Variants in PXYLP1 observed in about 807,000 individuals in gnomAD.
PXYLP1 encodes the protein 2-phosphoxylose phosphatase 1.
A neutral mutation model predicts 37.9 loss-of-function variants in PXYLP1; 17 were observed. The observed-to-expected ratio is 0.45, with a 90% CI of 0.31 to 0.67. The LOEUF (loss-of-function observed/expected upper bound fraction) is 0.67. Ranked by LOEUF, PXYLP1 falls within the 30% of genes least tolerant of loss-of-function variation. The probability of loss-of-function intolerance (pLI) is 0.07; values close to 1 mark genes in which losing one functional copy is unlikely to be tolerated. For synonymous variants in PXYLP1, 221 were observed against 232.2 expected (o/e 0.95, Z 0.44); for missense variants, 511 against 612.0 (o/e 0.84, Z 1.74).
intron 2 of PXYLP1, chr3:141,272,942 C>T (rs906954418): frequency 1.0e-6 from 1 of 966,310 alleles, no homozygotes; most frequent in Non-Finnish European, 1.2e-6. Context: ...TTGTGTTCTT[C>T]AACCCAATCA....
chr3:141,240,746 C>A (rs1474312781), intron 1 of PXYLP1, among the ~76,000 whole-genome samples: 1 of 152,138 alleles, frequency 6.6e-6, no homozygotes. Flanking sequence ...GAAGGAAATG[C>A]TGTGCTAAGA....
At chr3:141,265,938 G>C (rs1246002131) in intron 2 of PXYLP1, among the ~76,000 whole-genome samples, 1 of 152,204 alleles carries the variant, frequency 6.6e-6, no homozygotes, top group African/African-American at 2.4e-5. Context: ...GAGCAGGAAG[G>C]AGACCAGGCT....
rs573500088 is a variant in PXYLP1 at position 141,244,715 on chromosome 3, T to G, written c.-54+12804T>G. Among the ~76,000 whole-genome samples, 6 of 151,732 alleles carry G rather than the reference T, an allele frequency of 4.0e-5. No homozygotes were observed. In the South Asian group the frequency reaches 1.3e-3, roughly 32 times the overall value. On this transcript the variant is annotated intron_variant, in intron 1 of 5. Transcript: ENST00000286353. The stretch of plus-strand genomic sequence containing the variant: ...TAAGGCTGAATCGTGTTCCATTGTT[T>G]GGACAAACTGTGATTTTCCAACTGT...
chr3:141,292,309 A>G lies in PXYLP1; in HGVS notation c.547A>G (p.Ile183Val), dbSNP rs1190020883. The G allele has an allele frequency of 1.9e-6, 3 of 1,610,814 alleles. No homozygotes were observed. In the Admixed American group the frequency reaches 5.0e-5, roughly 27 times the overall value. Residue 183 changes from isoleucine to valine, a missense_variant, in exon 6 of 6, where the codon ATC becomes GTC. Transcript: ENST00000286353. This position sits in a 1 kb window ranked among gnomAD's most constrained non-coding sequence, Gnocchi z 4.3. ...HLQNGQLLRD[I>V]YLKKHKLLPN... ...GCAGAACGGTCAGCTGCTGAGGGAT[A>G]TCTATCTAAAGAAACACAAACTCCT...
At chr3:141,249,859 G>T (rs113757795) in intron 1 of PXYLP1, among the ~76,000 whole-genome samples, 1 of 151,930 alleles carries the variant, frequency 6.6e-6, no homozygotes, top group Non-Finnish European at 1.5e-5. Flanking sequence ...TAACTGAAGC[G>T]TACATAAAAG....
At chr3:141,291,730 C>G (rs1942214089) in intron 5 of PXYLP1, 1 of 157,148 alleles carries the variant, frequency 6.4e-6, no homozygotes, top group South Asian at 1.9e-4. Context: ...ACGTACCCAG[C>G]AGGTTATCAG....
rs541735940 is a variant in PXYLP1, at chr3:141,247,665, C to A, written c.-53-12458C>A. Among the ~76,000 whole-genome samples the A allele has an allele frequency of 2.2e-4, 34 of 152,294 alleles. No individual in the cohort carries two copies. In the South Asian group the frequency reaches 7.0e-3, roughly 32 times the overall value. ...CAATTTCCTATAACACACAACAGTA[C>A]CCAAGCAGTAACTCCATGCGCCTTG... On this transcript the variant is annotated intron_variant, in intron 1 of 5. Coordinates refer to ENST00000286353, the MANE Select transcript of PXYLP1 (RefSeq NM_001037172.3).
chr3:141,271,187 A>C (rs1297195519), intron 2 of PXYLP1, among the ~76,000 whole-genome samples: 1 of 152,226 alleles, frequency 6.6e-6, no homozygotes, highest in Non-Finnish European at 1.5e-5. Context: ...GAAGGAAATG[A>C]GGCACAGAGA....
chr3:141,290,856 G>A (rs1009285923), intron 5 of PXYLP1, among the ~76,000 whole-genome samples: 7 of 152,248 alleles, frequency 4.6e-5, no homozygotes, highest in African/African-American at 1.4e-4. Context: ...GATTAAATGG[G>A]AAAGGCCTGG....
At chr3:141,277,568 G>A (rs10935425) in intron 2 of PXYLP1, among the ~76,000 whole-genome samples, 68,083 of 152,024 alleles carry the variant, frequency 0.45, 17,765 homozygotes, top group South Asian at 0.6. Flanking sequence ...CACCTGTCTC[G>A]AGGAAAGGGA....
At chr3:141,256,148 G>T (rs1941257637) in intron 1 of PXYLP1, among the ~76,000 whole-genome samples, 1 of 152,228 alleles carries the variant, frequency 6.6e-6, no homozygotes, top group Non-Finnish European at 1.5e-5. Context: ...TTAGATTGTG[G>T]TATAGGTGTC....
At position 141,292,521 on chromosome 3, in the gene PXYLP1, T is replaced by C. The variant is rs777728908; in HGVS notation, c.759T>C (p.Tyr253=). The change falls in exon 6 of 6, where the codon TAT becomes TAC. Residue 253 remains tyrosine, a synonymous_variant. Coordinates refer to ENST00000286353, the MANE Select transcript of PXYLP1 (RefSeq NM_001037172.3). This position sits in a 1 kb window ranked among gnomAD's most constrained non-coding sequence, Gnocchi z 4.3. ...GSCYCPVRNQ[Y]LEKEQRRQYL... ...GCTATTGCCCGGTAAGAAACCAGTA[T>C]CTGGAAAAGGAGCAGCGTCGTCAGT... 1 of 1,614,130 alleles carries C rather than the reference T, an allele frequency of 6.2e-7. No individual in the cohort carries two copies. The highest frequency in any genetic ancestry group is 1.1e-5 in the South Asian group (1 of 91,082).
At chr3:141,262,887 T>TA (rs1399562557) in intron 2 of PXYLP1, among the ~76,000 whole-genome samples, 3 of 152,234 alleles carry the variant, frequency 2.0e-5, no homozygotes, top group African/African-American at 7.2e-5. Context: ...ATTCTTATCC[T>TA]AAAATATATG....
At chr3:141,274,344 A>G in intron 2 of PXYLP1, 1 of 1,412,106 alleles carries the variant, frequency 7.1e-7, no homozygotes. Flanking sequence ...GGCCAACCTG[A>G]CCAGGCCTTA....
chr3:141,232,731 G>T (rs983852916), intron 1 of PXYLP1, among the ~76,000 whole-genome samples: 1 of 152,216 alleles, frequency 6.6e-6, no homozygotes, highest in Non-Finnish European at 1.5e-5. Flanking sequence ...CTTTGCAGCC[G>T]CAGCTGCCTT....
chr3:141,245,742 C>T (rs1481860619), intron 1 of PXYLP1, among the ~76,000 whole-genome samples: 2 of 152,198 alleles, frequency 1.3e-5, no homozygotes, highest in African/African-American at 4.8e-5. Flanking sequence ...TATTTGCTCA[C>T]GGGCTCATCT....
intron 5 of PXYLP1, among the ~76,000 whole-genome samples, chr3:141,287,727 T>G (rs1576607731): frequency 6.6e-6 from 1 of 152,216 alleles, no homozygotes. Context: ...CAACCGTAAT[T>G]CCACCACAGA....
intron 1 of PXYLP1, among the ~76,000 whole-genome samples, chr3:141,249,703 G>A (rs1351865093): frequency 6.6e-6 from 1 of 152,058 alleles, no homozygotes; most frequent in Non-Finnish European, 1.5e-5. Context: ...ATGTTCTCCT[G>A]TCTTTGTTGA....
At chr3:141,265,339 CAAA>C (rs34592411) in intron 2 of PXYLP1, among the ~76,000 whole-genome samples, 7 of 125,952 alleles carry the variant, frequency 5.6e-5, no homozygotes, top group South Asian at 2.7e-4. Flanking sequence ...GTTCCAAAAC[CAAA>C]AAAAAAAAAA....
Sources: allele counts gnomAD v4.1 joint callset (sites outside exome capture counted in the v4.1 genomes callset), GRCh38; gene constraint gnomAD v4.1.1; non-coding constraint Gnocchi (gnomAD v3.1); transcripts MANE v1.5; gene names NCBI Gene and HGNC (gene_info 2026-07-23, HGNC 2026-07-21).